The following MYH11 variants were observed in gnomAD, a reference collection of about 807,000 sequenced individuals.
MYH11 encodes the protein myosin heavy chain 11.
In MYH11, 80 loss-of-function variants were observed where a neutral mutation model predicts 246.6. The observed-to-expected ratio is 0.32, with a 90% confidence interval of 0.27 to 0.39. The LOEUF is 0.39. Ranked by LOEUF, MYH11 falls within the 10% of genes least tolerant of loss-of-function variation. The pLI is 1.00. For synonymous variants in MYH11, 1,071 were observed against 1,015.5 expected (o/e 1.05, Z -1.04); for missense variants, 2,158 against 2,546.8 (o/e 0.85, Z 3.29).
At chr16:15,853,907 C>T (rs534035882) in intron 1 of MYH11, among the ~76,000 whole-genome samples, 1 of 151,992 alleles carries the variant, frequency 6.6e-6, no homozygotes, top group Non-Finnish European at 1.5e-5. Context: ...GCCTATAAAC[C>T]CAGCTACTCT....
At chr16:15,802,198 G>T (rs1170835968) in intron 3 of MYH11, among the ~76,000 whole-genome samples, 1 of 152,106 alleles carries the variant, frequency 6.6e-6, no homozygotes, top group East Asian at 1.9e-4. Context: ...AAGAGCCACC[G>T]CATTAGGATC....
intron 9 of MYH11, among the ~76,000 whole-genome samples, chr16:15,764,935 C>G (rs535702032): frequency 3.0e-4 from 46 of 152,374 alleles, no homozygotes; most frequent in African/African-American, 1.1e-3. Context: ...AACAAAAACG[C>G]TGTGTTCCCA....
intron 20 of MYH11, among the ~76,000 whole-genome samples, chr16:15,743,454 C>T (rs2041331863): frequency 6.6e-6 from 1 of 152,174 alleles, no homozygotes; most frequent in South Asian, 2.1e-4. Context: ...CAGGCATGAG[C>T]CACCACACCT....
chr16:15,714,734 G>T, intron 40 of MYH11, 175 bp downstream of exon 40: 3 of 827,852 alleles, frequency 3.6e-6, no homozygotes, highest in Non-Finnish European at 5.9e-6. Flanking sequence ...GCCCGGGTCT[G>T]ATCTCAGTGC....
chr16:15,788,247 T>G (rs1053054084), intron 4 of MYH11, among the ~76,000 whole-genome samples: 3 of 151,966 alleles, frequency 2.0e-5, no homozygotes, highest in African/African-American at 7.2e-5. Flanking sequence ...GTTTATCGTC[T>G]TCTTCTATTT....
intron 33 of MYH11, 54 bp downstream of exon 33, chr16:15,720,785 G>C (rs1258182247): frequency 6.4e-7 from 1 of 1,555,952 alleles, no homozygotes; most frequent in Non-Finnish European, 8.8e-7. Flanking sequence ...AGTGGTGATA[G>C]GAATGAAAAA....
intron 2 of MYH11, among the ~76,000 whole-genome samples, chr16:15,836,065 C>G (rs1052238232): frequency 6.6e-6 from 1 of 152,036 alleles, no homozygotes; most frequent in African/African-American, 2.4e-5. Flanking sequence ...GAGGCTGGCA[C>G]TATTCTTGCA....
chr16:15,721,458 T>A lies in MYH11; in HGVS notation c.4542A>T (p.Glu1514Asp). 2 of 1,614,212 alleles carry A rather than the reference T, an allele frequency of 1.2e-6. No individual in the cohort carries two copies. Among genetic ancestry groups the A allele is most frequent in the Non-Finnish European group, 1.7e-6 (2 of 1,180,046 alleles). ...CGTCATCCTTGGAGCTGACCAGGTC[T>A]TCCATTTCGGCTTTGAGCATTTTGT... ...RTNKMLKAEM[E>D]DLVSSKDDVG... is the part of the protein sequence containing the mutation. Residue 1514 changes from glutamate to aspartate, a missense_variant, in exon 32 of 41, where the codon GAA becomes GAT. Transcript: ENST00000300036.
At chr16:15,713,199 G>A (rs1156834692) in intron 40 of MYH11, 1 of 152,020 alleles carries the variant, frequency 6.6e-6, no homozygotes, top group Non-Finnish European at 1.5e-5. Context: ...AGAGGGTCGG[G>A]TCCAATGGAG....
At chr16:15,743,000 T>A (rs1391350408) in intron 20 of MYH11, among the ~76,000 whole-genome samples, 12 of 54,110 alleles carry the variant, frequency 2.2e-4, no homozygotes, top group Admixed American at 2.0e-3. Flanking sequence ...GTAGAAGTCT[T>A]TTTTTTTTTT....
chr16:15,809,599 G>A (rs1208999484), intron 3 of MYH11, among the ~76,000 whole-genome samples: 2 of 152,000 alleles, frequency 1.3e-5, no homozygotes, highest in Admixed American at 6.5e-5. Flanking sequence ...GGAGGACACC[G>A]AGGGAGGTGG....
At chr16:15,746,092 GT>G (rs34184615) in intron 19 of MYH11, among the ~76,000 whole-genome samples, 40 of 142,312 alleles carry the variant, frequency 2.8e-4, no homozygotes, top group Admixed American at 2.8e-4. Context: ...AATTTTTAAA[GT>G]TTTTTTTTTT....
Position 15,704,110 on chromosome 16 carries a change from T to A in MYH11, c.5800A>T (p.Thr1934Ser), listed in dbSNP as rs113667224. The A allele has an allele frequency of 2.4e-3, 3,920 of 1,614,030 alleles. 5 individuals carry two copies. The highest frequency in any genetic ancestry group is 3.2e-3 in the Non-Finnish European group (3,740 of 1,179,992). The change falls in exon 41 of 41, where the codon ACC becomes TCC. Residue 1934 changes from threonine to serine, a missense_variant. Physicochemically the swap from Thr to Ser is moderately conservative, Grantham distance 58. Around this residue, in one of 11 missense-constraint regions of MYH11, gnomAD observed 1,013 missense variants for 993.5 expected, o/e 1.02. Coordinates refer to ENST00000300036, the MANE Select transcript of MYH11 (RefSeq NM_002474.3). ...LKSKLRRGNE[T>S]SFVPSRRSGG... ...GACCTTCTAGAAGGAACGAAAGAGG[T>A]CTCGTTTCCTCGCCTGTGGGTTGTA...
rs79363102 is a variant in MYH11, at chr16:15,731,490, T to A, written c.3651+1074A>T. The stretch of plus-strand genomic sequence containing the variant: ...GTATGAGAAGCATTTCTATTCATTC[T>A]TTTTTTTTTTTCTTTTTTTGAGATG... On this transcript the variant is annotated intron_variant, in intron 27 of 40. Coordinates refer to ENST00000300036, the MANE Select transcript of MYH11 (RefSeq NM_002474.3). 2.6e-3 allele frequency among the ~76,000 whole-genome samples: 315 copies of A among 120,760 alleles called. 2 individuals carry two copies. The highest frequency in any genetic ancestry group is 0.015 in the African/African-American group (284 of 19,380). 79.2% of individuals were successfully genotyped at this position (120,760 alleles called of 152,430 possible). A position where few individuals can be genotyped will look rare whatever the true frequency, so the allele number is the denominator to read the frequency against.
At chr16:15,819,469 A>G (rs62030633) in intron 3 of MYH11, among the ~76,000 whole-genome samples, 20,821 of 152,042 alleles carry the variant, frequency 0.14, 1,472 homozygotes, top group East Asian at 0.15. Flanking sequence ...TTCCTCTCAG[A>G]TCAGAGGCGG....
intron 1 of MYH11, among the ~76,000 whole-genome samples, chr16:15,848,473 A>G (rs936973466): frequency 1.6e-4 from 24 of 152,040 alleles, no homozygotes; most frequent in African/African-American, 5.8e-4. Flanking sequence ...GCCTCAAGCA[A>G]TCCTCCCACC....
At chr16:15,803,208 C>T (rs1328092776) in intron 3 of MYH11, among the ~76,000 whole-genome samples, 1 of 152,034 alleles carries the variant, frequency 6.6e-6, no homozygotes, top group East Asian at 1.9e-4. Context: ...CAGACAGATA[C>T]CCGTGCCTTT....
intron 32 of MYH11, 151 bp downstream of exon 32, chr16:15,721,261 TCAGCCCCTCC>T (rs1291388271): frequency 3.0e-6 from 3 of 985,908 alleles, no homozygotes; most frequent in South Asian, 1.4e-5. Flanking sequence ...ACTGCCATTC[TCAGCCCCTCC>T]CAGCCCCTGC....
At chr16:15,782,200 A>G (rs911908620) in intron 6 of MYH11, among the ~76,000 whole-genome samples, 185 bp downstream of exon 6, 1 of 152,104 alleles carries the variant, frequency 6.6e-6, no homozygotes, top group Non-Finnish European at 1.5e-5. Flanking sequence ...TTGTTGAGTG[A>G]ATAGTGAATA....
Sources: gnomAD v4.1 joint callset for allele counts (sites outside exome capture counted in the v4.1 genomes callset) on GRCh38, gnomAD v4.1.1 for gene constraint, gnomAD v4.1.1 regional missense constraint, MANE v1.5 for transcripts, NCBI Gene and HGNC (gene_info 2026-07-23, HGNC 2026-07-21) for gene names.